Variants in MED15 observed in about 807,000 individuals in gnomAD.
MED15 encodes mediator of RNA polymerase II transcription subunit 15.
MED15 carries 41 observed loss-of-function variants against 118.7 expected under a neutral mutation model. The observed-to-expected ratio is 0.35, with a 90% CI of 0.27 to 0.45. The LOEUF (loss-of-function observed/expected upper bound fraction) is 0.45. Among genes scored for constraint, MED15 ranks in the 20% least tolerant of loss-of-function variants. The pLI is 1.00. For missense variants in MED15, 740 were observed against 1,025.5 expected (o/e 0.72, Z 3.80); for synonymous variants, 436 against 413.9 (o/e 1.05, Z -0.65).
chr22:20,583,299 G>A, intron 12 of MED15, 31 bp from the exon 13 acceptor site: 2 of 1,613,564 alleles, frequency 1.2e-6, no homozygotes, highest in South Asian at 2.2e-5. Context: ...CACCAGGCTT[G>A]TGTCTTAGTG....
chr22:20,570,258 C>A (rs1461240337), intron 8 of MED15, among the ~76,000 whole-genome samples: 1 of 152,086 alleles, frequency 6.6e-6, no homozygotes, highest in South Asian at 2.1e-4. Context: ...CTCTTGACCT[C>A]GTGATCTGCC....
chr22:20,551,465 C>T lies in MED15; in HGVS notation c.186C>T (p.Leu62=), dbSNP rs746274436. ...RDEYLSLVAR[L]IIHFRDIHNK... The stretch of plus-strand genomic sequence containing the variant: ...AATACCTTTCTCTCGTGGCCAGGCT[C>T]ATTATCCATTTTCGAGACATTCGTA... Residue 62 remains leucine, a synonymous_variant, in exon 3 of 18, where the codon CTC becomes CTT. Coordinates refer to ENST00000263205, the MANE Select transcript of MED15 (RefSeq NM_001003891.3). 24 of 1,614,162 alleles carry T rather than the reference C, an allele frequency of 1.5e-5. No homozygotes were observed. Among genetic ancestry groups the T allele is most frequent in the Non-Finnish European group, 1.9e-5 (23 of 1,180,000 alleles).
chr22:20,543,280 C>T (rs1222767800), intron 2 of MED15, among the ~76,000 whole-genome samples: 1 of 133,856 alleles, frequency 7.5e-6, no homozygotes, highest in Non-Finnish European at 1.5e-5. Context: ...GGCGTGATCT[C>T]AGGTCATTGC....
intron 13 of MED15, chr22:20,583,594 C>T: frequency 1.6e-6 from 1 of 614,086 alleles, no homozygotes. Context: ...AGCCTTTGCC[C>T]TATTCCTGGC....
chr22:20,526,599 A>G (rs1325732400), intron 1 of MED15, among the ~76,000 whole-genome samples: 3 of 152,196 alleles, frequency 2.0e-5, no homozygotes. Flanking sequence ...CACTATGCCC[A>G]GTTTTCTGTG....
intron 2 of MED15, 111 bp from the exon 3 acceptor site, chr22:20,551,325 C>T: frequency 1.0e-6 from 1 of 983,182 alleles, no homozygotes; most frequent in Non-Finnish European, 1.7e-6. Context: ...CTGAATCTGC[C>T]TTGCAGGATG....
chr22:20,561,703 G>A (rs144131510), intron 5 of MED15, among the ~76,000 whole-genome samples: 24 of 152,214 alleles, frequency 1.6e-4, no homozygotes, highest in African/African-American at 5.5e-4. Context: ...TAAAACATGC[G>A]GAAGGATTTA....
chr22:20,512,793 A>G (rs1292839698), intron 1 of MED15, among the ~76,000 whole-genome samples: 2 of 145,982 alleles, frequency 1.4e-5, no homozygotes, highest in Non-Finnish European at 3.0e-5. Context: ...CTCACTCTGG[A>G]GTGCAATGGT....
At chr22:20,583,987 G>C in intron 13 of MED15, 1 of 288,096 alleles carries the variant, frequency 3.5e-6, no homozygotes, top group Non-Finnish European at 6.7e-6. Context: ...TCTCTGTTCT[G>C]CTTGTCTGGA....
At chr22:20,520,204 G>C (rs551239981) in intron 1 of MED15, among the ~76,000 whole-genome samples, 93 of 152,318 alleles carry the variant, frequency 6.1e-4, no homozygotes, top group African/African-American at 2.1e-3. Context: ...TCTGGGGGCT[G>C]GGTGAAAGCA....
rs2056453032 is a variant in MED15 at position 20,566,656 on chromosome 22, C to T, written c.880C>T (p.His294Tyr). 3.1e-6 allele frequency: 5 copies of T among 1,614,078 alleles called. No homozygotes were observed. The highest frequency in any genetic ancestry group is 1.7e-5 in the Admixed American group (1 of 60,006). ...TCTGCCCCAGCAGCTGCAGCAGATG[C>T]ATCACACACAGCACCACCAGCCGCC... is the stretch of plus-strand genomic sequence containing the variant. ...QALPQQLQQMHHTQHHQPPPQ... is the reference protein window; with the variant it reads ...QALPQQLQQMYHTQHHQPPPQ... Residue 294 changes from histidine (H) to tyrosine (Y), a missense_variant, in exon 7 of 18, where the codon CAT (histidine) becomes TAT (tyrosine). This residue lies in a region of MED15 where 384 missense variants were observed against 506.3 expected (regional missense o/e 0.76). Coordinates refer to ENST00000263205, the MANE Select transcript of MED15 (RefSeq NM_001003891.3).
At chr22:20,576,253 T>C (rs138866857) in intron 9 of MED15, among the ~76,000 whole-genome samples, 384 of 152,384 alleles carry the variant, frequency 2.5e-3, no homozygotes, top group African/African-American at 9.0e-3. Flanking sequence ...ACTTTACAAT[T>C]CAGTTTCTGT....
intron 2 of MED15, 198 bp from the exon 3 acceptor site, chr22:20,551,238 C>G (rs966237854): frequency 2.8e-6 from 2 of 713,186 alleles, no homozygotes; most frequent in Non-Finnish European, 5.3e-6. Flanking sequence ...TTTCTTTGTG[C>G]CTGTTATTGG....
chr22:20,512,998 C>T (rs1197866145), intron 1 of MED15, among the ~76,000 whole-genome samples: 1 of 152,066 alleles, frequency 6.6e-6, no homozygotes, highest in African/African-American at 2.4e-5. Flanking sequence ...CCTCGGCCTC[C>T]CAAAGTGCTG....
rs13340038 is a variant in MED15, at chr22:20,531,506, C to T, written c.69-5611C>T. 1.9e-3 allele frequency among the ~76,000 whole-genome samples: 288 copies of T among 152,320 alleles called. 1 individual carries two copies. The highest frequency in any genetic ancestry group is 6.3e-3 in the African/African-American group (260 of 41,568). On this transcript the variant is annotated intron_variant, in intron 1 of 17. Transcript: ENST00000263205. ...GGAATTTGAGCCCAGGTCCCTCCTC[C>T]CCTGTCTGCTTCCTGCCAGGCCCAG...
Position 20,564,564 on chromosome 22 carries a change from TC to T in MED15, c.568del (p.Gln190ArgfsTer14). Reference sequence around the variant, plus strand: ...CAGCAGCAGCAGCAACAGCAGCAGTTCCAGGCTCAGCAGAGTGCCATGCAGC... The same window carrying T: ...CAGCAGCAGCAGCAACAGCAGCAGTTCAGGCTCAGCAGAGTGCCATGCAGC... ...QQQQQQQQQQFQAQQSAMQQQ... is the reference protein window; with the variant it reads ...QQQQQQQQQQXQAQQSAMQQQ... On this transcript the variant is annotated frameshift_variant, in exon 6 of 18. Transcript: ENST00000263205. LOFTEE classifies it high-confidence loss of function. 1 of 1,606,728 alleles carries T rather than the reference TC, an allele frequency of 6.2e-7. No individual in the cohort carries two copies. Among genetic ancestry groups the T allele is most frequent in the Non-Finnish European group, 8.5e-7 (1 of 1,174,748 alleles).
chr22:20,524,074 CTT>C (rs1256060446), intron 1 of MED15, among the ~76,000 whole-genome samples: 1 of 152,122 alleles, frequency 6.6e-6, no homozygotes, highest in Non-Finnish European at 1.5e-5. Flanking sequence ...TAAAAAAACA[CTT>C]TTATGTTTCT....
Position 20,544,280 on chromosome 22 carries a change from C to T in MED15, c.156+7076C>T, listed in dbSNP as rs569683945. The stretch of plus-strand genomic sequence containing the variant: ...TTGTTATTGAGTTACAAAGCCACTG[C>T]CATATTTTTAGGCACCCTACTCCTG... On this transcript the variant is annotated intron_variant, in intron 2 of 17. Transcript: ENST00000263205. Among the ~76,000 whole-genome samples, 141 of 152,300 alleles carry T rather than the reference C, an allele frequency of 9.3e-4. 1 individual carries two copies. The highest frequency in any genetic ancestry group is 1.7e-3 in the Non-Finnish European group (115 of 68,018).
intron 17 of MED15, 36 bp from the exon 18 acceptor site, chr22:20,586,531 CG>C (rs1569257587): frequency 6.2e-7 from 1 of 1,602,296 alleles, no homozygotes; most frequent in Non-Finnish European, 8.5e-7. Context: ...AGCGCAGCGC[CG>C]GCCGCCTTAG....
Sources: allele counts gnomAD v4.1 joint callset (sites outside exome capture counted in the v4.1 genomes callset), GRCh38; gene constraint gnomAD v4.1.1; regional missense constraint gnomAD v4.1.1; transcripts MANE v1.5; gene names NCBI Gene and HGNC (gene_info 2026-07-23, HGNC 2026-07-21).